Variants in FAM3B observed in about 807,000 individuals in gnomAD.
The protein encoded by FAM3B is FAM3 metabolism regulating signaling molecule B, also known as protein FAM3B.
A neutral mutation model predicts 28.4 loss-of-function variants in FAM3B; 29 were observed. The observed-to-expected ratio is 1.02, with a 90% CI of 0.76 to 1.39. The LOEUF (loss-of-function observed/expected upper bound fraction) is 1.39, where lower values mean the gene tolerates loss of function less well. FAM3B is among the 40% of genes most tolerant of loss of function. The pLI, the probability that FAM3B is intolerant of heterozygous loss-of-function variation, is 0.00. For synonymous variants in FAM3B, 91 were observed against 103.0 expected (o/e 0.88, Z 0.71); for missense variants, 266 against 293.9 (o/e 0.91, Z 0.69).
chr21:41,311,895 G>C (rs2088716372), upstream of FAM3B, among the ~76,000 whole-genome samples: 1 of 152,202 alleles, frequency 6.6e-6, no homozygotes, highest in African/African-American at 2.4e-5. Flanking sequence ...CCACATGACT[G>C]GGGAAGCCTC....
Position 41,347,045 on chromosome 21 carries a change from A to G in FAM3B, c.430A>G (p.Ser144Gly). 3 of 1,614,186 alleles carry G rather than the reference A, an allele frequency of 1.9e-6. No homozygotes were observed. Among genetic ancestry groups the G allele is most frequent in the Non-Finnish European group, 2.5e-6 (3 of 1,180,024 alleles). ...NSGPMTKFIQ[S>G]AAPKSLLFMV... is the part of the protein sequence containing the mutation. ...TGGACCGATGACAAAGTTTATTCAG[A>G]GTGCTGCTCCAAAATCCCTGCTCTT... is the stretch of plus-strand genomic sequence containing the variant. Residue 144 changes from serine (S) to glycine (G), a missense_variant, in exon 6 of 8, where the codon AGT becomes GGT. Ser to Gly is a moderately conservative substitution (Grantham distance 56). Coordinates refer to ENST00000357985, the MANE Select transcript of FAM3B (RefSeq NM_058186.4).
At chr21:41,334,077 C>T (rs1286414165) in intron 2 of FAM3B, among the ~76,000 whole-genome samples, 1 of 152,174 alleles carries the variant, frequency 6.6e-6, no homozygotes, top group Non-Finnish European at 1.5e-5. Flanking sequence ...AAGATATGGC[C>T]TGGCTGCTTC....
chr21:41,310,727 G>A (rs1410679833), intron 1 of FAM3B, among the ~76,000 whole-genome samples: 4 of 152,094 alleles, frequency 2.6e-5, no homozygotes, highest in Non-Finnish European at 4.4e-5. Flanking sequence ...TGCTTTCCAC[G>A]TAGTTGGTCA....
At chr21:41,314,771 AAAAAG>A (rs1427336316), upstream of FAM3B, among the ~76,000 whole-genome samples, 2 of 152,216 alleles carry the variant, frequency 1.3e-5, no homozygotes, top group Non-Finnish European at 2.9e-5. Context: ...TTAAAAAAAA[AAAAAG>A]AGAGAGATAA....
chr21:41,327,723 T>C (rs1412007393), intron 2 of FAM3B, among the ~76,000 whole-genome samples: 1 of 152,250 alleles, frequency 6.6e-6, no homozygotes, highest in East Asian at 1.9e-4. Flanking sequence ...TCACTTGTAA[T>C]AGTTCAGCTG....
intron 1 of FAM3B, chr21:41,320,244 G>C (rs2088790218): frequency 6.6e-6 from 1 of 152,134 alleles, no homozygotes; most frequent in Admixed American, 6.6e-5. Flanking sequence ...GTGTAATTGG[G>C]ACTACAGGTC....
chr21:41,316,801 C>T lies in FAM3B; in HGVS notation c.-79C>T. The stretch of plus-strand genomic sequence containing the variant: ...GACACGACCGCTGCCCGCCCCTTGC[C>T]TTCCTGACCCAGGGGCTCCGCTGGC... On this transcript the variant is annotated 5_prime_UTR_variant, in exon 1 of 8. Coordinates refer to ENST00000357985, the MANE Select transcript of FAM3B (RefSeq NM_058186.4). The T allele has an allele frequency of 1.5e-6, 2 of 1,378,910 alleles. No individual in the cohort carries two copies. The highest frequency in any genetic ancestry group is 1.5e-5 in the South Asian group (1 of 65,842). 85.4% of individuals were successfully genotyped at this position (1,378,910 alleles called of 1,614,324 possible). A position where few individuals can be genotyped will look rare whatever the true frequency, so the allele number is the denominator to read the frequency against.
intron 2 of FAM3B, among the ~76,000 whole-genome samples, chr21:41,334,143 A>T (rs2145812833): frequency 6.6e-6 from 1 of 152,348 alleles, no homozygotes; most frequent in South Asian, 2.1e-4. Flanking sequence ...TGGAAATTAT[A>T]TTTAAAGGGG....
chr21:41,312,267 C>T (rs938794282), upstream of FAM3B, among the ~76,000 whole-genome samples: 1 of 152,132 alleles, frequency 6.6e-6, no homozygotes, highest in African/African-American at 2.4e-5. Flanking sequence ...ATGAATCTTT[C>T]CCCCTCTAAT....
chr21:41,316,686 T>TGCCCCGCCCACGCCC, upstream of FAM3B: 1 of 423,762 alleles, frequency 2.4e-6, no homozygotes, highest in Non-Finnish European at 4.0e-6. Flanking sequence ...CCCGCGCACC[T>TGCCCCGCCCACGCCC]GCCCCGCCCA....
chr21:41,345,792 T>C lies in FAM3B; in HGVS notation c.397+56T>C, dbSNP rs577922875. On this transcript the variant is annotated intron_variant, in intron 5 of 7. Coordinates refer to ENST00000357985, the MANE Select transcript of FAM3B (RefSeq NM_058186.4). ...TGAATTTTAAACAGAAAATTAAGAT[T>C]AAAAAGCACAAAGAAAAATGTCAAC... The C allele has an allele frequency of 2.3e-5, 25 of 1,109,052 alleles. No individual in the cohort carries two copies. The African/African-American group carries it at 3.9e-4, about 17-fold the overall frequency. The allele number at this position is 1,109,052 out of a possible 1,614,324, so 68.7% of individuals were successfully genotyped here. A position where few individuals can be genotyped will look rare whatever the true frequency, so the allele number is the denominator to read the frequency against.
intron 7 of FAM3B, among the ~76,000 whole-genome samples, chr21:41,352,536 T>C (rs1379142342): frequency 1.3e-5 from 2 of 152,108 alleles, no homozygotes; most frequent in African/African-American, 4.8e-5. Context: ...GGCTCACCCC[T>C]GTAATTGCAG....
intron 3 of FAM3B, among the ~76,000 whole-genome samples, chr21:41,343,582 G>T (rs930536362): frequency 6.6e-6 from 1 of 152,106 alleles, no homozygotes; most frequent in African/African-American, 2.4e-5. Context: ...TTAAAGTTCC[G>T]TGTTCGCTAT....
intron 3 of FAM3B, among the ~76,000 whole-genome samples, chr21:41,339,901 G>A (rs2088988961): frequency 2.0e-5 from 3 of 152,144 alleles, no homozygotes; most frequent in Non-Finnish European, 4.4e-5. Flanking sequence ...CCCACGACAG[G>A]CCATCTGCAA....
chr21:41,328,134 G>A (rs1467537281), intron 2 of FAM3B, among the ~76,000 whole-genome samples: 2 of 152,208 alleles, frequency 1.3e-5, no homozygotes, highest in African/African-American at 4.8e-5. Flanking sequence ...CGGGAAAGTG[G>A]ACAGGTCTGT....
At chr21:41,311,252 ATATATATATATATATATATATATATATAT>A (rs1464114970) in intron 1 of FAM3B, among the ~76,000 whole-genome samples, 7 of 21,548 alleles carry the variant, frequency 3.2e-4, no homozygotes, top group South Asian at 2.4e-3. Flanking sequence ...AAAAAAAAAA[ATATATATATATATATATATATATATATAT>A]ATATATATAT....
At chr21:41,344,355 GA>G in intron 3 of FAM3B, 120 bp from the exon 4 acceptor site, 1 of 870,140 alleles carries the variant, frequency 1.1e-6, no homozygotes, top group South Asian at 1.5e-5. Flanking sequence ...GGCGAATGCA[GA>G]CTTTCAAGGA....
At chr21:41,349,826 GC>G (rs1401265903) in intron 7 of FAM3B, among the ~76,000 whole-genome samples, 1 of 151,648 alleles carries the variant, frequency 6.6e-6, no homozygotes, top group East Asian at 1.9e-4. Context: ...ATTTTAGCAT[GC>G]ATCTACACAA....
intron 1 of FAM3B, among the ~76,000 whole-genome samples, chr21:41,311,272 ATATATATATATATATATATATATATG>A (rs2088712207): frequency 3.9e-5 from 3 of 76,070 alleles, no homozygotes; most frequent in African/African-American, 1.9e-4. Flanking sequence ...ATATATATAT[ATATATATATATATATATATATATATG>A]TATATATACA....
Sources: gnomAD v4.1 joint callset for allele counts (sites outside exome capture counted in the v4.1 genomes callset) on GRCh38, gnomAD v4.1.1 for gene constraint, MANE v1.5 for transcripts, NCBI Gene and HGNC (gene_info 2026-07-23, HGNC 2026-07-21) for gene names.